The following CFAP299 variants were observed in gnomAD, a reference collection of about 807,000 sequenced individuals.
CFAP299 encodes the protein cilia and flagella associated protein 299, also known as cilia- and flagella-associated protein 299.
Under a neutral mutation model 27.0 loss-of-function variants are expected in CFAP299, and 21 were observed. The observed-to-expected ratio is 0.78, with a 90% CI of 0.55 to 1.12. CFAP299 has a LOEUF of 1.12. CFAP299 is among the 50% of genes most tolerant of loss of function. CFAP299 has a pLI of 0.00. For missense variants in CFAP299, 310 were observed against 276.6 expected (o/e 1.12, Z -0.86); for synonymous variants, 104 against 98.1 (o/e 1.06, Z -0.36).
intron 3 of CFAP299, chr4:80,608,334 T>G (rs932287998): frequency 6.5e-7 from 1 of 1,528,166 alleles, no homozygotes; most frequent in African/African-American, 1.4e-5. Flanking sequence ...TTGTTTAAGC[T>G]AAATCAACAG....
In CFAP299 at chr4:80,493,069, A is replaced by C. The variant is rs369890572; in HGVS notation, c.243-90024A>C. Among the ~76,000 whole-genome samples, 50 of 152,306 alleles carry C rather than the reference A, an allele frequency of 3.3e-4. 1 individual carries two copies. Among genetic ancestry groups the C allele is most frequent in the African/African-American group, 1.1e-3 (46 of 41,560 alleles). ...GAGTCAACAAGACTCCAGACACTGAAGCATCAGAACAAAAAGACATGCTTG... is the reference window on the plus strand; with the variant it reads ...GAGTCAACAAGACTCCAGACACTGACGCATCAGAACAAAAAGACATGCTTG... On this transcript the variant is annotated intron_variant, in intron 2 of 5. Transcript: ENST00000358105.
At chr4:80,448,909 C>G (rs1728766433) in intron 2 of CFAP299, among the ~76,000 whole-genome samples, 1 of 152,112 alleles carries the variant, frequency 6.6e-6, no homozygotes, top group South Asian at 2.1e-4. Context: ...AGTTATAGAT[C>G]TTGGGACAGA....
chr4:80,668,617 G>A (rs1166349528), intron 3 of CFAP299, among the ~76,000 whole-genome samples: 2 of 152,056 alleles, frequency 1.3e-5, no homozygotes, highest in Non-Finnish European at 2.9e-5. Context: ...CTGTAAATAT[G>A]TGGATTTATT....
intron 4 of CFAP299, among the ~76,000 whole-genome samples, chr4:80,941,742 C>T (rs1033177868): frequency 6.6e-6 from 1 of 152,144 alleles, no homozygotes; most frequent in Non-Finnish European, 1.5e-5. Context: ...GCAGCACATG[C>T]TTTTGGGGAG....
At chr4:80,708,666 T>C (rs1721961229) in intron 3 of CFAP299, among the ~76,000 whole-genome samples, 1 of 152,096 alleles carries the variant, frequency 6.6e-6, no homozygotes, top group Non-Finnish European at 1.5e-5. Flanking sequence ...CAGCTTTCAA[T>C]GGAAAGAGTC....
At chr4:80,578,023 A>ACC (rs1735960016) in intron 2 of CFAP299, among the ~76,000 whole-genome samples, 1 of 152,230 alleles carries the variant, frequency 6.6e-6, no homozygotes, top group African/African-American at 2.4e-5. Flanking sequence ...TTCAAGTAGG[A>ACC]TTATATAAAT....
chr4:80,769,258 C>T (rs1726069624), intron 3 of CFAP299, among the ~76,000 whole-genome samples: 4 of 152,036 alleles, frequency 2.6e-5, no homozygotes, highest in Admixed American at 2.6e-4. Flanking sequence ...TGAGTATTAC[C>T]CTATTTTACT....
Position 80,583,120 on chromosome 4 carries a change from A to G in CFAP299, c.270A>G (p.Leu90=), listed in dbSNP as rs139510159. Residue 90 remains leucine (L), a synonymous_variant, in exon 3 of 6, where the codon CTA becomes CTG. Transcript: ENST00000358105. ...QKTLTSAGKD[L]QDNFLTALAM... ...CGCTAACAAGTGCTGGTAAAGACCT[A>G]CAAGATAATTTTCTGACGGCCCTGG... is the stretch of plus-strand genomic sequence containing the variant. The G allele has an allele frequency of 2.1e-4, 334 of 1,605,600 alleles. No homozygotes were observed. The African/African-American group carries it at 3.7e-3, about 18-fold the overall frequency.
chr4:80,443,201 C>T (rs1728451475), intron 2 of CFAP299, among the ~76,000 whole-genome samples: 1 of 152,162 alleles, frequency 6.6e-6, no homozygotes, highest in Non-Finnish European at 1.5e-5. Context: ...CAGCGTCATC[C>T]TGATACTAAA....
At chr4:80,602,610 G>T (rs1399962964) in intron 3 of CFAP299, among the ~76,000 whole-genome samples, 13 of 152,090 alleles carry the variant, frequency 8.5e-5, no homozygotes, top group Admixed American at 6.6e-5. Flanking sequence ...AATATAGGTT[G>T]ATGAGAAACA....
At chr4:80,545,064 C>A (rs1247233980) in intron 2 of CFAP299, among the ~76,000 whole-genome samples, 1 of 151,964 alleles carries the variant, frequency 6.6e-6, no homozygotes, top group Non-Finnish European at 1.5e-5. Flanking sequence ...GAAGATCTAC[C>A]AAAACTGTAC....
intron 2 of CFAP299, among the ~76,000 whole-genome samples, chr4:80,576,314 A>G (rs1735863784): frequency 1.3e-5 from 2 of 151,534 alleles, no homozygotes; most frequent in Non-Finnish European, 2.9e-5. Flanking sequence ...CTCCTAATTT[A>G]TATAAAGGAT....
chr4:80,705,693 T>G (rs138097728), intron 3 of CFAP299, among the ~76,000 whole-genome samples: 51 of 152,006 alleles, frequency 3.4e-4, no homozygotes, highest in African/African-American at 1.2e-3. Flanking sequence ...TGGACTGCTT[T>G]CCTTCTATTT....
At chr4:80,884,792 C>G (rs936530319) in intron 4 of CFAP299, among the ~76,000 whole-genome samples, 10 of 151,880 alleles carry the variant, frequency 6.6e-5, no homozygotes, top group South Asian at 2.1e-4. Flanking sequence ...AGAATAGAAC[C>G]CTGCATCATT....
At chr4:80,669,442 C>T (rs1010242291) in intron 3 of CFAP299, among the ~76,000 whole-genome samples, 11 of 151,892 alleles carry the variant, frequency 7.2e-5, no homozygotes, top group African/African-American at 2.2e-4. Flanking sequence ...TGTGAGCCAC[C>T]GTGCCTGGCC....
At chr4:80,579,807 T>C (rs966860) in intron 2 of CFAP299, among the ~76,000 whole-genome samples, 6,905 of 152,102 alleles carry the variant, frequency 0.045, 550 homozygotes, top group African/African-American at 0.16. Context: ...TATAGATACA[T>C]TGTAGACATA....
At chr4:80,923,894 T>C (rs1736169800) in intron 4 of CFAP299, among the ~76,000 whole-genome samples, 2 of 152,034 alleles carry the variant, frequency 1.3e-5, no homozygotes, top group Admixed American at 6.6e-5. Flanking sequence ...ATATTAAAAC[T>C]ATAGTTATAT....
chr4:80,795,297 C>G (rs1029659235), intron 3 of CFAP299, among the ~76,000 whole-genome samples: 2 of 152,188 alleles, frequency 1.3e-5, no homozygotes, highest in African/African-American at 4.8e-5. Flanking sequence ...GCCCATGAAT[C>G]AGTATATAAT....
At chr4:80,442,346 GACAA>G (rs1728400792) in intron 2 of CFAP299, among the ~76,000 whole-genome samples, 1 of 152,058 alleles carries the variant, frequency 6.6e-6, no homozygotes, top group Non-Finnish European at 1.5e-5. Context: ...TGGAAATCAT[GACAA>G]ACAGTCTCTC....
Sources: gnomAD v4.1 joint callset for allele counts (sites outside exome capture counted in the v4.1 genomes callset) on GRCh38, gnomAD v4.1.1 for gene constraint, MANE v1.5 for transcripts, NCBI Gene and HGNC (gene_info 2026-07-23, HGNC 2026-07-21) for gene names.